MGMT: variants seen among roughly 807,000 people sequenced by gnomAD.
The protein encoded by MGMT is methylated-DNA--protein-cysteine methyltransferase.
A neutral mutation model predicts 15.9 loss-of-function variants in MGMT; 14 were observed. That is an observed-to-expected ratio of 0.88 (90% confidence interval 0.58 to 1.37). The LOEUF is 1.37. Ranked by LOEUF, MGMT falls within the 40% of genes most tolerant of loss-of-function variation. The probability of loss-of-function intolerance (pLI) is 0.00; values close to 1 mark genes in which losing one functional copy is unlikely to be tolerated. For missense variants in MGMT, 282 were observed against 268.1 expected, an observed-to-expected ratio of 1.05 and a Z score of -0.36; for synonymous variants, 130 against 118.2, an observed-to-expected ratio of 1.10 and a Z score of -0.65.
chr10:129,518,352 A>ACT (rs1845763732), intron 1 of MGMT, among the ~76,000 whole-genome samples: 1 of 150,112 alleles, frequency 6.7e-6, no homozygotes, highest in Non-Finnish European at 1.5e-5. Context: ...ACACACACAC[A>ACT]CACACACACA....
chr10:129,501,617 T>C (rs906016854), intron 1 of MGMT, among the ~76,000 whole-genome samples: 2 of 152,248 alleles, frequency 1.3e-5, no homozygotes, highest in Non-Finnish European at 2.9e-5. Context: ...TTCATGTTTC[T>C]GTTTATCATC....
At chr10:129,649,259 T>C (rs1048834395) in intron 2 of MGMT, among the ~76,000 whole-genome samples, 2 of 152,196 alleles carry the variant, frequency 1.3e-5, no homozygotes, top group African/African-American at 4.8e-5. Context: ...ACAAGCTTTC[T>C]GCCCCCTTAA....
intron 2 of MGMT, among the ~76,000 whole-genome samples, chr10:129,618,092 A>G (rs1158308040): frequency 2.6e-5 from 4 of 152,124 alleles, no homozygotes; most frequent in Non-Finnish European, 5.9e-5. Context: ...AATTTGCACC[A>G]GAGATAGAGC....
intron 2 of MGMT, among the ~76,000 whole-genome samples, chr10:129,560,994 TG>T (rs1415284619): frequency 1.3e-4 from 20 of 148,748 alleles, no homozygotes; most frequent in African/African-American, 4.9e-4. Context: ...TGTGTGTGTG[TG>T]TGTTCCTTTC....
rs186194011 is a variant in MGMT, at chr10:129,511,050, G to C, written c.-12-25191G>C. On this transcript the variant is annotated intron_variant, in intron 1 of 4. Transcript: ENST00000651593. ...AATGGGAACCCGTATACCAGATGCA[G>C]CCTGGTGCTTCCCATGATGGGAACC... Among the ~76,000 whole-genome samples the C allele has an allele frequency of 2.0e-5, 3 of 148,812 alleles. No homozygotes were observed. In the East Asian group the frequency reaches 6.0e-4, roughly 30 times the overall value.
chr10:129,529,353 A>T (rs75933077), intron 1 of MGMT, among the ~76,000 whole-genome samples: 1 of 151,950 alleles, frequency 6.6e-6, no homozygotes, highest in Non-Finnish European at 1.5e-5. Flanking sequence ...TGGTTTGGGG[A>T]TGAAACTGTT....
chr10:129,478,924 C>CT (rs35410666), intron 1 of MGMT, among the ~76,000 whole-genome samples: 85,333 of 152,056 alleles, frequency 0.56, 25,727 homozygotes, highest in South Asian at 0.72. Context: ...GTGAGAATCT[C>CT]TAAGAATATG....
intron 3 of MGMT, among the ~76,000 whole-genome samples, chr10:129,711,586 G>A (rs1848233604): frequency 6.6e-6 from 1 of 152,172 alleles, no homozygotes; most frequent in Non-Finnish European, 1.5e-5. Context: ...TTCAAGTGTT[G>A]TTTTAGTCAG....
intron 2 of MGMT, among the ~76,000 whole-genome samples, chr10:129,610,736 T>C (rs1175710407): frequency 6.6e-6 from 1 of 152,190 alleles, no homozygotes; most frequent in East Asian, 1.9e-4. Flanking sequence ...GACCTGCAAA[T>C]CTAAAATGTG....
chr10:129,646,754 A>ATATATATATTTTTTTTTTTTTT, intron 2 of MGMT, among the ~76,000 whole-genome samples: 8 of 86,658 alleles, frequency 9.2e-5, no homozygotes, highest in Admixed American at 6.0e-4. Context: ...ATATATATAT[A>ATATATATATTTTTTTTTTTTTT]TTTTCAGGGA....
chr10:129,671,603 A>G lies in MGMT; in HGVS notation c.126-36292A>G, dbSNP rs185738168. 4.4e-3 allele frequency among the ~76,000 whole-genome samples: 672 copies of G among 152,324 alleles called. 5 individuals carry two copies. Among genetic ancestry groups the G allele is most frequent in the African/African-American group, 0.015 (614 of 41,570 alleles). On this transcript the variant is annotated intron_variant, in intron 2 of 4. Transcript: ENST00000651593. Reference sequence around the variant, plus strand: ...CCCTTTGAGAAAATGTTTGCCAACCAAAATCTAGATTTCAAAATGTGATGG... The same window carrying G: ...CCCTTTGAGAAAATGTTTGCCAACCGAAATCTAGATTTCAAAATGTGATGG...
At chr10:129,596,651 T>C (rs1449298148) in intron 2 of MGMT, among the ~76,000 whole-genome samples, 3 of 152,184 alleles carry the variant, frequency 2.0e-5, no homozygotes, top group Non-Finnish European at 4.4e-5. Context: ...ACAACTAATA[T>C]GCAACAAAAA....
intron 2 of MGMT, among the ~76,000 whole-genome samples, chr10:129,620,218 G>A (rs1251435756): frequency 6.6e-6 from 1 of 152,200 alleles, no homozygotes; most frequent in Non-Finnish European, 1.5e-5. Context: ...GATAGGGATT[G>A]TTTTTTAATA....
chr10:129,534,562 T>C (rs963395496), intron 1 of MGMT, among the ~76,000 whole-genome samples: 1 of 151,934 alleles, frequency 6.6e-6, no homozygotes, highest in Non-Finnish European at 1.5e-5. Context: ...TTAAGGGACA[T>C]AAATGCACCT....
intron 2 of MGMT, among the ~76,000 whole-genome samples, chr10:129,594,012 G>A (rs1287520137): frequency 6.6e-6 from 1 of 152,206 alleles, no homozygotes; most frequent in East Asian, 1.9e-4. Context: ...GGGGTTTTAT[G>A]AGCTGGACTG....
intron 1 of MGMT, among the ~76,000 whole-genome samples, chr10:129,530,457 C>T (rs572795433): frequency 6.6e-6 from 1 of 152,296 alleles, no homozygotes; most frequent in African/African-American, 2.4e-5. Flanking sequence ...TTTCTGGCAC[C>T]TTAGCCCAGT....
At chr10:129,560,516 T>G (rs1457395997) in intron 2 of MGMT, among the ~76,000 whole-genome samples, 1 of 152,200 alleles carries the variant, frequency 6.6e-6, no homozygotes, top group East Asian at 1.9e-4. Flanking sequence ...CCTATGCACT[T>G]TGACCCTGTT....
chr10:129,673,225 G>T (rs187590487), intron 2 of MGMT, among the ~76,000 whole-genome samples: 1 of 151,960 alleles, frequency 6.6e-6, no homozygotes, highest in Admixed American at 6.6e-5. Flanking sequence ...CAAAATTGTC[G>T]CTGTCTGCTC....
intron 4 of MGMT, among the ~76,000 whole-genome samples, chr10:129,762,994 G>A (rs1396943097): frequency 2.6e-5 from 4 of 152,108 alleles, no homozygotes; most frequent in Admixed American, 1.3e-4. Context: ...GAACAAAGGC[G>A]AAGTTGGAAA....
Sources: allele counts gnomAD v4.1 joint callset (sites outside exome capture counted in the v4.1 genomes callset), GRCh38; gene constraint gnomAD v4.1.1; transcripts MANE v1.5; gene names NCBI Gene and HGNC (gene_info 2026-07-23, HGNC 2026-07-21).